The following ATXN10 variants were observed in gnomAD, a reference collection of about 807,000 sequenced individuals.
The protein encoded by ATXN10 is ataxin 10.
Under a neutral mutation model 52.9 loss-of-function variants are expected in ATXN10, and 28 were observed. That is an observed-to-expected ratio of 0.53 (90% CI 0.39 to 0.73). The LOEUF (loss-of-function observed/expected upper bound fraction) is 0.73, where lower values mean the gene tolerates loss of function less well. Ranked by LOEUF, ATXN10 falls within the 30% of genes least tolerant of loss-of-function variation. The probability of loss-of-function intolerance (pLI) is 0.00; values close to 1 mark genes in which losing one functional copy is unlikely to be tolerated. For synonymous variants in ATXN10, 226 were observed against 221.5 expected, an observed-to-expected ratio of 1.02 and a Z score of -0.18; for missense variants, 565 against 577.0, an observed-to-expected ratio of 0.98 and a Z score of 0.21.
In ATXN10 at chr22:45,828,099, C is replaced by G. The variant is rs909369831; in HGVS notation, c.1238-14892C>G. On this transcript the variant is annotated intron_variant, in intron 10 of 11. Coordinates refer to ENST00000252934, the MANE Select transcript of ATXN10 (RefSeq NM_013236.4). This position sits in a 1 kb window ranked among gnomAD's most constrained non-coding sequence, Gnocchi z 4.5. ...GGTGCAGTGGCTCATACCTGTAATC[C>G]CAGCAGTTTGGGAGGCCAAAGTAGG... 6.6e-6 allele frequency among the ~76,000 whole-genome samples: 1 copy of G among 151,680 alleles called. No homozygotes were observed. The highest frequency in any genetic ancestry group is 2.1e-4 in the South Asian group (1 of 4,816).
intron 2 of ATXN10, among the ~76,000 whole-genome samples, chr22:45,691,825 G>A (rs559973519): frequency 3.3e-4 from 50 of 152,340 alleles, no homozygotes; most frequent in African/African-American, 1.1e-3. Flanking sequence ...CGGGGAAAGC[G>A]GAGGTTGCAG....
At position 45,718,639 on chromosome 22, in the gene ATXN10, G is replaced by GGCTAAGCTGTAAT; in HGVS notation, c.728+147_728+148insCTAAGCTGTAATG. ...TGTTGGTAATGGTTTTAAATTGGTT[G>GGCTAAGCTGTAAT]GTTAACATTACAGCTTAGCCACAGT... On this transcript the variant is annotated intron_variant, in intron 6 of 11. Coordinates refer to ENST00000252934, the MANE Select transcript of ATXN10 (RefSeq NM_013236.4). The surrounding 1 kb of genome is among the most constrained non-coding windows in gnomAD (Gnocchi z 4.4). 1.2e-6 allele frequency: 1 copy of GGCTAAGCTGTAAT among 813,556 alleles called. No individual in the cohort carries two copies. The highest frequency in any genetic ancestry group is 2.1e-6 in the Non-Finnish European group (1 of 476,844). The allele number at this position is 813,556 out of a possible 1,614,324, so 50.4% of individuals were successfully genotyped here. A position where few individuals can be genotyped will look rare whatever the true frequency, so the allele number is the denominator to read the frequency against.
intron 10 of ATXN10, among the ~76,000 whole-genome samples, chr22:45,832,858 AT>A (rs1929037577): frequency 6.6e-6 from 1 of 152,226 alleles, no homozygotes; most frequent in Non-Finnish European, 1.5e-5. Flanking sequence ...TACTTCAGAA[AT>A]TTTTTAGAGA....
At chr22:45,797,646 G>T (rs1745360075) in intron 9 of ATXN10, among the ~76,000 whole-genome samples, 1 of 152,128 alleles carries the variant, frequency 6.6e-6, no homozygotes, top group Admixed American at 6.6e-5. Flanking sequence ...ATAAAACCAA[G>T]AGTAGATTAA....
At position 45,750,783 on chromosome 22, in the gene ATXN10, A is replaced by C. The variant is rs1351664903; in HGVS notation, c.1173+10245A>C. On this transcript the variant is annotated intron_variant, in intron 9 of 11. Transcript: ENST00000252934. This position sits in a 1 kb window ranked among gnomAD's most constrained non-coding sequence, Gnocchi z 4.2. ...CCAGGAGAAGTTATACGAATTTACC[A>C]TGTGATAAGGATAATCCAGCAACCC... is the stretch of plus-strand genomic sequence containing the variant. 1.3e-5 allele frequency among the ~76,000 whole-genome samples: 2 copies of C among 152,206 alleles called. No individual in the cohort carries two copies. The highest frequency in any genetic ancestry group is 2.9e-5 in the Non-Finnish European group (2 of 68,034).
At chr22:45,761,460 G>A (rs1412021701) in intron 9 of ATXN10, among the ~76,000 whole-genome samples, 1 of 152,178 alleles carries the variant, frequency 6.6e-6, no homozygotes, top group Non-Finnish European at 1.5e-5. Context: ...TGTTTTCACA[G>A]TTAAACTTTT....
At chr22:45,801,995 T>C (rs1408129145) in intron 9 of ATXN10, among the ~76,000 whole-genome samples, 1 of 152,186 alleles carries the variant, frequency 6.6e-6, no homozygotes, top group African/African-American at 2.4e-5. Context: ...GCTAACAGGC[T>C]CTGTTTTCTG....
chr22:45,702,390 G>T (rs1011360434), intron 4 of ATXN10, among the ~76,000 whole-genome samples: 4 of 152,050 alleles, frequency 2.6e-5, no homozygotes, highest in African/African-American at 7.2e-5. Context: ...TAACAAGAAT[G>T]AACATTTTAA....
chr22:45,698,118 A>G (rs1923693003), intron 3 of ATXN10, among the ~76,000 whole-genome samples: 1 of 152,150 alleles, frequency 6.6e-6, no homozygotes, highest in Non-Finnish European at 1.5e-5. Context: ...ACATGCTGGT[A>G]CATCCAATTG....
rs1418034547 is a variant in ATXN10, at chr22:45,835,054, G to A, written c.1238-7937G>A. Among the ~76,000 whole-genome samples the A allele has an allele frequency of 6.6e-6, 1 of 152,186 alleles. No individual in the cohort carries two copies. The highest frequency in any genetic ancestry group is 2.4e-5 in the African/African-American group (1 of 41,436). ...TGAAGTGGTCAGTAAAATGATTCCA[G>A]AGCATGTCATGTACAAAATTAGTTT... is the stretch of plus-strand genomic sequence containing the variant. On this transcript the variant is annotated intron_variant, in intron 10 of 11. Transcript: ENST00000252934. The surrounding 1 kb of genome is among the most constrained non-coding windows in gnomAD (Gnocchi z 5.0).
intron 10 of ATXN10, among the ~76,000 whole-genome samples, chr22:45,831,386 T>A (rs1020326566): frequency 4.7e-5 from 7 of 147,972 alleles, no homozygotes; most frequent in East Asian, 2.0e-4. Flanking sequence ...AAAAAAAAAT[T>A]TTGGAGAAAA....
At chr22:45,815,448 G>A (rs1017731368) in intron 10 of ATXN10, among the ~76,000 whole-genome samples, 6 of 152,188 alleles carry the variant, frequency 3.9e-5, no homozygotes, top group Non-Finnish European at 5.9e-5. Flanking sequence ...GTGCAGGTAG[G>A]ACATTCTGCT....
chr22:45,810,401 ATTGTT>A (rs1319770140), intron 10 of ATXN10, among the ~76,000 whole-genome samples: 2 of 152,184 alleles, frequency 1.3e-5, no homozygotes, highest in African/African-American at 4.8e-5. Context: ...GGTCATTTGT[ATTGTT>A]GCATAAAAGT....
intron 1 of ATXN10, among the ~76,000 whole-genome samples, chr22:45,686,514 C>T (rs542317157): frequency 1.3e-5 from 2 of 152,162 alleles, no homozygotes; most frequent in South Asian, 4.2e-4. Flanking sequence ...GTCTGAGTTT[C>T]CCAAAGGTTT....
rs553453941 is a variant in ATXN10, at chr22:45,712,308, A to C, written c.648-6105A>C. ...AAAAGGGGATGCTGAACAGGGGAAA[A>C]AGTGGCAGATATCCACAAGGACTGT... On this transcript the variant is annotated intron_variant, in intron 5 of 11. Transcript: ENST00000252934. This position sits in a 1 kb window ranked among gnomAD's most constrained non-coding sequence, Gnocchi z 4.6. Among the ~76,000 whole-genome samples, 1 of 152,308 alleles carries C rather than the reference A, an allele frequency of 6.6e-6. No individual in the cohort carries two copies. Among genetic ancestry groups the C allele is most frequent in the African/African-American group, 2.4e-5 (1 of 41,570 alleles).
Position 45,683,999 on chromosome 22 carries a change from C to T in ATXN10, c.117-5713C>T, listed in dbSNP as rs1464786394. Among the ~76,000 whole-genome samples the T allele has an allele frequency of 1.3e-5, 2 of 152,076 alleles. No homozygotes were observed. The highest frequency in any genetic ancestry group is 2.9e-5 in the Non-Finnish European group (2 of 68,030). On this transcript the variant is annotated intron_variant, in intron 1 of 11. Transcript: ENST00000252934. The surrounding 1 kb of genome is among the most constrained non-coding windows in gnomAD (Gnocchi z 4.8). Reference sequence around the variant, plus strand: ...CAAGGTCTCGCTGTGTCACCCAGGCCTGAGTGCAGTGTTGTGATCATAGCT... The same window carrying T: ...CAAGGTCTCGCTGTGTCACCCAGGCTTGAGTGCAGTGTTGTGATCATAGCT...
chr22:45,777,528 C>G (rs1057101244), intron 9 of ATXN10, among the ~76,000 whole-genome samples: 1 of 152,198 alleles, frequency 6.6e-6, no homozygotes, highest in African/African-American at 2.4e-5. Flanking sequence ...ATGCATTCAG[C>G]TATGTTCAGC....
At chr22:45,839,027 G>GTTCT (rs1372845812) in intron 10 of ATXN10, among the ~76,000 whole-genome samples, 1 of 152,192 alleles carries the variant, frequency 6.6e-6, no homozygotes, top group Non-Finnish European at 1.5e-5. Flanking sequence ...ATGCATAAGG[G>GTTCT]TTCTACCTTC....
In ATXN10 at chr22:45,738,570, A is replaced by C. The variant is rs1925388012; in HGVS notation, c.895-161A>C. On this transcript the variant is annotated intron_variant, in intron 7 of 11. Transcript: ENST00000252934. ...ATGATGAGTCGTGTACATATTTCAT[A>C]CTTCTGTTTTGTTCTTCATAGTTTT... 10 of 630,030 alleles carry C rather than the reference A, an allele frequency of 1.6e-5. No homozygotes were observed. The South Asian group carries it at 2.0e-4, about 12-fold the overall frequency. 39.0% of individuals were successfully genotyped at this position (630,030 alleles called of 1,614,324 possible).
Sources: allele counts gnomAD v4.1 joint callset (sites outside exome capture counted in the v4.1 genomes callset), GRCh38; gene constraint gnomAD v4.1.1; non-coding constraint Gnocchi (gnomAD v3.1); transcripts MANE v1.5; gene names NCBI Gene and HGNC (gene_info 2026-07-23, HGNC 2026-07-21).